Variants in MEI1 observed in about 807,000 individuals in gnomAD.
MEI1 encodes the protein meiotic double-stranded break formation protein 1.
In MEI1, 103 loss-of-function variants were observed where a neutral mutation model predicts 146.2. The observed-to-expected ratio is 0.70, with a 90% CI of 0.60 to 0.83. The LOEUF (loss-of-function observed/expected upper bound fraction) is 0.83, where lower values mean the gene tolerates loss of function less well. Among genes scored for constraint, MEI1 ranks in the 40% least tolerant of loss-of-function variants. The pLI, the probability that MEI1 is intolerant of heterozygous loss-of-function variation, is 0.00. For missense variants in MEI1, 1,529 were observed against 1,533.0 expected, an observed-to-expected ratio of 1.00 and a Z score of 0.04; for synonymous variants, 652 against 628.2, an observed-to-expected ratio of 1.04 and a Z score of -0.57.
intron 7 of MEI1, 111 bp from the exon 8 acceptor site, chr22:41,729,554 G>T: frequency 1.4e-6 from 1 of 709,426 alleles, no homozygotes; most frequent in Non-Finnish European, 2.5e-6. Context: ...GTGCCATGTG[G>T]GACAGGAAGG....
At chr22:41,703,513 T>TG in intron 2 of MEI1, 59 bp downstream of exon 2, 1 of 1,390,722 alleles carries the variant, frequency 7.2e-7, no homozygotes, top group Non-Finnish European at 9.5e-7. Flanking sequence ...ATATCTGCTT[T>TG]TGGGGCTCTT....
chr22:41,732,093 G>A (rs5751144), intron 9 of MEI1, among the ~76,000 whole-genome samples, 152 bp from the exon 10 acceptor site: 96,980 of 151,884 alleles, frequency 0.64, 34,115 homozygotes, highest in East Asian at 0.92. Flanking sequence ...AGATCTCACA[G>A]TCTGGTCCCA....
intron 7 of MEI1, among the ~76,000 whole-genome samples, chr22:41,725,600 C>T (rs189405675): frequency 1.3e-5 from 2 of 152,358 alleles, no homozygotes; most frequent in Non-Finnish European, 2.9e-5. Context: ...CAACCCAGTG[C>T]TCCAGCCACA....
chr22:41,768,904 C>CT (rs2075013142), intron 19 of MEI1, among the ~76,000 whole-genome samples: 3 of 152,178 alleles, frequency 2.0e-5, no homozygotes, highest in Admixed American at 6.5e-5. Context: ...CAAAACATTA[C>CT]TGTTTTTCTC....
chr22:41,793,100 C>T (rs2076242837), intron 26 of MEI1, among the ~76,000 whole-genome samples: 1 of 124,282 alleles, frequency 8.0e-6, no homozygotes, highest in Admixed American at 1.1e-4. Flanking sequence ...GGCTGGAGTG[C>T]AGTGGCATGA....
At chr22:41,742,422 C>G (rs1355117923) in intron 11 of MEI1, among the ~76,000 whole-genome samples, 1 of 152,174 alleles carries the variant, frequency 6.6e-6, no homozygotes, top group Non-Finnish European at 1.5e-5. Flanking sequence ...CCAGCAGGCT[C>G]TCCTCTGCGA....
intron 19 of MEI1, chr22:41,767,634 T>A (rs1427568201): frequency 4.4e-6 from 2 of 454,304 alleles, no homozygotes; most frequent in East Asian, 1.4e-4. Context: ...TCTATGCCGA[T>A]GATTTTTTAT....
At chr22:41,754,323 C>T (rs998935288) in intron 17 of MEI1, among the ~76,000 whole-genome samples, 1 of 152,216 alleles carries the variant, frequency 6.6e-6, no homozygotes, top group Non-Finnish European at 1.5e-5. Flanking sequence ...GTCTCCTCTG[C>T]AACATCCCCA....
intron 24 of MEI1, among the ~76,000 whole-genome samples, chr22:41,783,747 C>T (rs575891310): frequency 6.6e-6 from 1 of 152,290 alleles, no homozygotes; most frequent in Admixed American, 6.5e-5. Flanking sequence ...GTGGCAGTAT[C>T]CCAGCTCACT....
Position 41,752,585 on chromosome 22 carries a change from C to T in MEI1, c.1793-6C>T, listed in dbSNP as rs1430043690. The T allele has an allele frequency of 6.3e-7, 1 of 1,593,728 alleles. No individual in the cohort carries two copies. The highest frequency in any genetic ancestry group is 2.3e-5 in the East Asian group (1 of 44,264). On this transcript the variant is annotated splice_region_variant and splice_polypyrimidine_tract_variant and intron_variant, in intron 15 of 30. Coordinates refer to ENST00000401548, the MANE Select transcript of MEI1 (RefSeq NM_152513.4). ...TGCTCTCTGCTTTATTCCCACTTCT[C>T]TGAAGCTTCCTCATCCTTCATACGA...
At chr22:41,761,738 C>A (rs1004985710) in intron 18 of MEI1, among the ~76,000 whole-genome samples, 1 of 152,242 alleles carries the variant, frequency 6.6e-6, no homozygotes, top group African/African-American at 2.4e-5. Flanking sequence ...CCACCACCTT[C>A]ATCTAGTTCT....
intron 26 of MEI1, among the ~76,000 whole-genome samples, chr22:41,785,605 C>T (rs1044119979): frequency 2.0e-5 from 3 of 151,086 alleles, no homozygotes; most frequent in African/African-American, 7.3e-5. Flanking sequence ...CTCTTGTTGC[C>T]CAGGCTGGAG....
chr22:41,777,371 G>A (rs189517724), intron 21 of MEI1, among the ~76,000 whole-genome samples: 117 of 151,480 alleles, frequency 7.7e-4, no homozygotes, highest in African/African-American at 2.7e-3. Flanking sequence ...GGCCAGGCTG[G>A]TCTCGAACTC....
chr22:41,718,386 A>G, intron 6 of MEI1, 112 bp downstream of exon 6: 3 of 927,740 alleles, frequency 3.2e-6, no homozygotes, highest in Non-Finnish European at 4.9e-6. Context: ...TGCAAAAGGT[A>G]GAAGCCACAA....
At chr22:41,720,721 C>T (rs535403791) in intron 6 of MEI1, among the ~76,000 whole-genome samples, 3 of 151,938 alleles carry the variant, frequency 2.0e-5, no homozygotes, top group East Asian at 1.9e-4. Flanking sequence ...CTCAGTCTCC[C>T]GAGTAGCTGA....
In MEI1 at chr22:41,729,799, C is replaced by T. The variant is rs375386055; in HGVS notation, c.979+20C>T. The T allele has an allele frequency of 1.2e-5, 18 of 1,509,956 alleles. No homozygotes were observed. In the African/African-American group the frequency reaches 1.7e-4, roughly 14 times the overall value. The allele number at this position is 1,509,956 out of a possible 1,614,324, so 93.5% of individuals were successfully genotyped here. A position where few individuals can be genotyped will look rare whatever the true frequency, so the allele number is the denominator to read the frequency against. On this transcript the variant is annotated intron_variant, in intron 8 of 30. Coordinates refer to ENST00000401548, the MANE Select transcript of MEI1 (RefSeq NM_152513.4). ...TCCCAGGTAGGGGAACACTTCTAACCTTCTCCTCCCTATACTAGAAGGATG... is the reference window on the plus strand; with the variant it reads ...TCCCAGGTAGGGGAACACTTCTAACTTTCTCCTCCCTATACTAGAAGGATG...
In MEI1 at chr22:41,778,774, A is replaced by G; in HGVS notation, c.2777A>G (p.Gln926Arg). Residue 926 changes from glutamine to arginine, a missense_variant, in exon 22 of 31, where the codon CAA becomes CGA. Physicochemically the swap from Gln to Arg is conservative, Grantham distance 43 (BLOSUM62 1). This residue lies in a region of MEI1 where 1,212 missense variants were observed against 1,178.9 expected (regional missense o/e 1.03). Coordinates refer to ENST00000401548, the MANE Select transcript of MEI1 (RefSeq NM_152513.4). The part of the protein sequence containing the change: ...SLMQLRNVSE[Q>R]ELDSVAMKLL... Reference sequence around the variant, plus strand: ...ATGCAGCTCAGGAATGTGTCAGAGCAAGAACTGGACAGCGTGGCCATGAAG... The same window carrying G: ...ATGCAGCTCAGGAATGTGTCAGAGCGAGAACTGGACAGCGTGGCCATGAAG... The G allele has an allele frequency of 1.2e-6, 2 of 1,609,048 alleles. No homozygotes were observed. Among genetic ancestry groups the G allele is most frequent in the Non-Finnish European group, 1.7e-6 (2 of 1,177,776 alleles).
chr22:41,796,794 A>G (rs779619662), intron 30 of MEI1, among the ~76,000 whole-genome samples: 6 of 152,042 alleles, frequency 3.9e-5, no homozygotes, highest in Non-Finnish European at 7.4e-5. Context: ...GAAAAATACC[A>G]AAATTAGCTG....
chr22:41,748,285 T>TGC, intron 15 of MEI1, 67 bp downstream of exon 15: 1 of 1,019,754 alleles, frequency 9.8e-7, no homozygotes, highest in Non-Finnish European at 1.6e-6. Flanking sequence ...CAGAGAGTAT[T>TGC]CAAAGAGAGG....
Sources: allele counts gnomAD v4.1 joint callset (sites outside exome capture counted in the v4.1 genomes callset), GRCh38; gene constraint gnomAD v4.1.1; regional missense constraint gnomAD v4.1.1; transcripts MANE v1.5; gene names NCBI Gene and HGNC (gene_info 2026-07-23, HGNC 2026-07-21).